The following IPMK variants were observed in gnomAD, a reference collection of about 807,000 sequenced individuals.
The protein encoded by IPMK is inositol 1,3,4,6-tetrakisphosphate 5-kinase.
A neutral mutation model predicts 45.8 loss-of-function variants in IPMK; 17 were observed. The ratio of observed to expected loss-of-function variants is 0.37; its 90% confidence interval spans 0.25 to 0.56. IPMK has a LOEUF of 0.56. Ranked by LOEUF, IPMK falls within the 20% of genes least tolerant of loss-of-function variation. The probability of loss-of-function intolerance (pLI) is 0.79; values close to 1 mark genes in which losing one functional copy is unlikely to be tolerated. For synonymous variants in IPMK, 180 were observed against 184.3 expected, an observed-to-expected ratio of 0.98 and a Z score of 0.19; for missense variants, 399 against 498.0, an observed-to-expected ratio of 0.80 and a Z score of 1.89.
chr10:58,236,769 A>G (rs1838619610), intron 2 of IPMK, among the ~76,000 whole-genome samples: 1 of 151,770 alleles, frequency 6.6e-6, no homozygotes, highest in South Asian at 2.1e-4. Flanking sequence ...AAAATTAGCC[A>G]GGCTTGCTGG....
chr10:58,209,653 G>C (rs1838128085), intron 4 of IPMK, among the ~76,000 whole-genome samples: 1 of 152,206 alleles, frequency 6.6e-6, no homozygotes, highest in African/African-American at 2.4e-5. Flanking sequence ...GGAGGTGGCA[G>C]GGGAGTGAGG....
intron 4 of IPMK, among the ~76,000 whole-genome samples, chr10:58,214,641 C>T (rs1030858936): frequency 1.3e-5 from 2 of 152,104 alleles, no homozygotes; most frequent in Non-Finnish European, 2.9e-5. Flanking sequence ...ATCACAATGA[C>T]AATTTATCTA....
chr10:58,216,544 T>G (rs1033375958), intron 3 of IPMK, among the ~76,000 whole-genome samples: 2 of 151,020 alleles, frequency 1.3e-5, no homozygotes, highest in Non-Finnish European at 2.9e-5. Context: ...TTAAATAAAT[T>G]CAACCACAAG....
At chr10:58,207,065 C>T (rs1331273911) in intron 4 of IPMK, among the ~76,000 whole-genome samples, 2 of 152,148 alleles carry the variant, frequency 1.3e-5, no homozygotes, top group African/African-American at 4.8e-5. Context: ...CGCAATGGCA[C>T]GATCTCAGCT....
rs571999320 is a variant in IPMK at position 58,260,714 on chromosome 10, G to C, written c.190+6708C>G. ...GTAAAATCAAATACTTAAGGGAAAA[G>C]CCTAGTAAACAATGTGTAAGACCTG... On this transcript the variant is annotated intron_variant, in intron 1 of 5. Transcript: ENST00000373935. Among the ~76,000 whole-genome samples, 4 of 152,018 alleles carry C rather than the reference G, an allele frequency of 2.6e-5. No individual in the cohort carries two copies. The South Asian group carries it at 8.3e-4, about 32-fold the overall frequency.
At position 58,195,482 on chromosome 10, in the gene IPMK, A is replaced by G. The variant is rs2132139551; in HGVS notation, c.*594T>C. 1 of 152,266 alleles carries G rather than the reference A, an allele frequency of 6.6e-6. No individual in the cohort carries two copies. Among genetic ancestry groups the G allele is most frequent in the South Asian group, 2.1e-4 (1 of 4,826 alleles). 9.4% of individuals were successfully genotyped at this position (152,266 alleles called of 1,614,324 possible). A position where few individuals can be genotyped will look rare whatever the true frequency, so the allele number is the denominator to read the frequency against. On this transcript the variant is annotated 3_prime_UTR_variant, in exon 6 of 6. Transcript: ENST00000373935. ...GTATAATATTTTGAGAGAGAGATGT[A>G]AAAATTAAAGAGAAAACCTGCTTTT...
chr10:58,195,699 A>G lies in IPMK; in HGVS notation c.*377T>C, dbSNP rs1278189876. On this transcript the variant is annotated 3_prime_UTR_variant, in exon 6 of 6. Transcript: ENST00000373935. ...TTTTGGTAGGTGTTCTAATAATGTAATATTTTAGATATGGCTCATTGTCAA... is the reference window on the plus strand; with the variant it reads ...TTTTGGTAGGTGTTCTAATAATGTAGTATTTTAGATATGGCTCATTGTCAA... 5.7e-6 allele frequency: 1 copy of G among 175,724 alleles called. No homozygotes were observed. Among genetic ancestry groups the G allele is most frequent in the African/African-American group, 2.4e-5 (1 of 41,752 alleles). 10.9% of individuals were successfully genotyped at this position (175,724 alleles called of 1,614,324 possible). A position where few individuals can be genotyped will look rare whatever the true frequency, so the allele number is the denominator to read the frequency against.
intron 1 of IPMK, among the ~76,000 whole-genome samples, chr10:58,247,628 G>A (rs1838821687): frequency 6.6e-6 from 1 of 152,068 alleles, no homozygotes; most frequent in Non-Finnish European, 1.5e-5. Flanking sequence ...ACACAGGAAG[G>A]GGAACATCAC....
At chr10:58,202,765 A>T (rs1381866267) in intron 4 of IPMK, among the ~76,000 whole-genome samples, 1 of 152,216 alleles carries the variant, frequency 6.6e-6, no homozygotes, top group Non-Finnish European at 1.5e-5. Context: ...TCAGCCCACC[A>T]TTGAGAACTA....
At chr10:58,198,257 G>A (rs1464778488) in intron 5 of IPMK, among the ~76,000 whole-genome samples, 4 of 152,016 alleles carry the variant, frequency 2.6e-5, no homozygotes, top group African/African-American at 7.2e-5. Flanking sequence ...ACTTTCCCAC[G>A]TTAGGTATAT....
chr10:58,220,252 C>G lies in IPMK; in HGVS notation c.374-3935G>C, dbSNP rs12259128. Among the ~76,000 whole-genome samples the G allele has an allele frequency of 3.6e-3, 547 of 152,214 alleles. 1 individual carries two copies. The highest frequency in any genetic ancestry group is 0.012 in the African/African-American group (506 of 41,538). ...GAAGAGGAAGGGTTAAGTAAATATG[C>G]AGAGAGAGATCTCCCTGGGCTTTGA... On this transcript the variant is annotated intron_variant, in intron 3 of 5. Coordinates refer to ENST00000373935, the MANE Select transcript of IPMK (RefSeq NM_152230.5).
At chr10:58,196,845 G>C (rs559508446) in intron 5 of IPMK, 147 bp from the exon 6 acceptor site, 30 of 637,628 alleles carry the variant, frequency 4.7e-5, no homozygotes, top group Non-Finnish European at 6.8e-5. Flanking sequence ...AAGAATTCTA[G>C]TCAGATATAG....
rs150793354 is a variant in IPMK at position 58,248,983 on chromosome 10, C to G, written c.191-11169G>C. ...TATATCTTGGCTATTGTGAATATAG[C>G]TACAATAAACAGGTGAGTACAGATA... On this transcript the variant is annotated intron_variant, in intron 1 of 5. Coordinates refer to ENST00000373935, the MANE Select transcript of IPMK (RefSeq NM_152230.5). Among the ~76,000 whole-genome samples, 212 of 152,304 alleles carry G rather than the reference C, an allele frequency of 1.4e-3. 2 individuals are homozygous for G. The East Asian group carries it at 0.037, about 26-fold the overall frequency.
intron 3 of IPMK, among the ~76,000 whole-genome samples, chr10:58,219,767 CTAAG>C (rs1293621828): frequency 6.6e-6 from 1 of 152,170 alleles, no homozygotes; most frequent in Non-Finnish European, 1.5e-5. Flanking sequence ...GATAGTAAGA[CTAAG>C]TATTGTTGTC....
chr10:58,235,742 A>G (rs765316896), intron 2 of IPMK, among the ~76,000 whole-genome samples: 15 of 152,144 alleles, frequency 9.9e-5, no homozygotes, highest in Admixed American at 4.6e-4. Context: ...GCAAACCAAC[A>G]TGGCACATGT....
chr10:58,227,455 T>G (rs1258090279), intron 2 of IPMK, among the ~76,000 whole-genome samples: 1 of 152,204 alleles, frequency 6.6e-6, no homozygotes, highest in African/African-American at 2.4e-5. Context: ...CCAGAGGACA[T>G]TCTTCTGACT....
intron 1 of IPMK, among the ~76,000 whole-genome samples, chr10:58,253,712 C>T (rs565497618): frequency 3.1e-5 from 4 of 131,058 alleles, no homozygotes; most frequent in Admixed American, 9.0e-5. Flanking sequence ...CCAGCCTGAG[C>T]GACAGAGTAA....
intron 1 of IPMK, among the ~76,000 whole-genome samples, chr10:58,243,993 G>T (rs557902409): frequency 9.2e-5 from 14 of 151,770 alleles, no homozygotes; most frequent in African/African-American, 3.4e-4. Flanking sequence ...CGCCCCGTCT[G>T]GGAGGGGAAG....
intron 1 of IPMK, among the ~76,000 whole-genome samples, chr10:58,266,613 T>C (rs1406556212): frequency 1.3e-5 from 2 of 152,154 alleles, no homozygotes; most frequent in African/African-American, 4.8e-5. Context: ...TACTCATCCA[T>C]CAGATTACCC....
Sources: allele counts gnomAD v4.1 joint callset (sites outside exome capture counted in the v4.1 genomes callset), GRCh38; gene constraint gnomAD v4.1.1; transcripts MANE v1.5; gene names NCBI Gene and HGNC (gene_info 2026-07-23, HGNC 2026-07-21).